Variants in RNF150 observed in about 807,000 individuals in gnomAD.
RNF150 encodes ring finger protein 150.
In RNF150, 24 loss-of-function variants were observed where a neutral mutation model predicts 39.3. That is an observed-to-expected ratio of 0.61 (90% CI 0.44 to 0.86). RNF150 has a LOEUF of 0.86. RNF150 is among the 40% of genes least tolerant of loss of function. The pLI is 0.00. For synonymous variants in RNF150, 255 were observed against 227.3 expected (o/e 1.12, Z -1.10); for missense variants, 502 against 587.8 (o/e 0.85, Z 1.51).
At chr4:140,922,703 T>C (rs1248177108) in intron 5 of RNF150, among the ~76,000 whole-genome samples, 1 of 152,126 alleles carries the variant, frequency 6.6e-6, no homozygotes, top group Non-Finnish European at 1.5e-5. Flanking sequence ...GGCATCATGC[T>C]ACCTGACTTC....
At chr4:141,175,412 C>T (rs1727792323) in intron 1 of RNF150, among the ~76,000 whole-genome samples, 1 of 152,114 alleles carries the variant, frequency 6.6e-6, no homozygotes, top group African/African-American at 2.4e-5. Flanking sequence ...ATTTAAAAGA[C>T]AATTTTAATG....
At chr4:141,031,014 T>C (rs906038950) in intron 1 of RNF150, among the ~76,000 whole-genome samples, 1 of 152,020 alleles carries the variant, frequency 6.6e-6, no homozygotes, top group Non-Finnish European at 1.5e-5. Flanking sequence ...ACAATCCTAT[T>C]GGCAAACAAT....
intron 6 of RNF150, among the ~76,000 whole-genome samples, chr4:140,888,991 T>C (rs570432526): frequency 6.6e-6 from 1 of 152,288 alleles, no homozygotes; most frequent in African/African-American, 2.4e-5. Flanking sequence ...AATGGGATAA[T>C]ATTTACTATG....
At chr4:141,187,918 A>G (rs973337192) in intron 1 of RNF150, among the ~76,000 whole-genome samples, 1 of 152,020 alleles carries the variant, frequency 6.6e-6, no homozygotes, top group Non-Finnish European at 1.5e-5. Flanking sequence ...TTGCATATTA[A>G]TTGATGCAGT....
intron 2 of RNF150, among the ~76,000 whole-genome samples, chr4:140,953,794 C>A (rs1732638509): frequency 6.6e-6 from 1 of 151,990 alleles, no homozygotes; most frequent in Non-Finnish European, 1.5e-5. Context: ...TATTGGATTT[C>A]CAAATGCAAA....
chr4:140,917,087 C>T (rs1578961933), intron 5 of RNF150, among the ~76,000 whole-genome samples: 1 of 152,200 alleles, frequency 6.6e-6, no homozygotes, highest in East Asian at 1.9e-4. Context: ...ACTGCAAAAA[C>T]ATGCCAAATT....
In RNF150 at chr4:140,889,156, T is replaced by TA. The variant is rs1729676156; in HGVS notation, c.1199-20778dup. 2.0e-5 allele frequency among the ~76,000 whole-genome samples: 3 copies of TA among 152,212 alleles called. No individual in the cohort carries two copies. In the South Asian group the frequency reaches 6.2e-4, roughly 32 times the overall value. On this transcript the variant is annotated intron_variant, in intron 6 of 6. Transcript: ENST00000515673. ...CCTCAGCCTCTCGAAGTGCTGGGATTACAGACATGAGCCACTGTGCCTGGC... is the reference window on the plus strand; with the variant it reads ...CCTCAGCCTCTCGAAGTGCTGGGATTAACAGACATGAGCCACTGTGCCTGGC...
intron 1 of RNF150, among the ~76,000 whole-genome samples, chr4:141,045,744 A>G (rs761662351): frequency 4.6e-5 from 7 of 151,886 alleles, no homozygotes; most frequent in Non-Finnish European, 8.8e-5. Flanking sequence ...GGGTTTCACC[A>G]TGTTGGCCAG....
intron 1 of RNF150, among the ~76,000 whole-genome samples, chr4:141,090,563 C>T (rs1684179941): frequency 6.6e-6 from 1 of 152,084 alleles, no homozygotes; most frequent in African/African-American, 2.4e-5. Context: ...GGCTCATGAC[C>T]ACCAACTCAA....
chr4:140,893,170 C>T (rs1226132761), intron 6 of RNF150, among the ~76,000 whole-genome samples: 1 of 152,138 alleles, frequency 6.6e-6, no homozygotes, highest in African/African-American at 2.4e-5. Context: ...ATGTGATTAA[C>T]ACCACTGCCT....
chr4:140,942,505 T>C (rs1365531145), intron 4 of RNF150, among the ~76,000 whole-genome samples: 1 of 152,250 alleles, frequency 6.6e-6, no homozygotes, highest in Non-Finnish European at 1.5e-5. Flanking sequence ...TAAGACCTTA[T>C]TTAAGTCCAG....
intron 1 of RNF150, among the ~76,000 whole-genome samples, chr4:141,103,408 T>C (rs1157616443): frequency 1.3e-5 from 2 of 152,210 alleles, no homozygotes; most frequent in Non-Finnish European, 2.9e-5. Context: ...AAATAGCTTC[T>C]ATTAGCAAAC....
chr4:141,093,129 G>A (rs922206408), intron 1 of RNF150, among the ~76,000 whole-genome samples: 3 of 152,144 alleles, frequency 2.0e-5, no homozygotes, highest in Non-Finnish European at 2.9e-5. Context: ...CACTTTGGGA[G>A]GCCAAGGCGG....
At chr4:141,080,271 C>T (rs1365800395) in intron 1 of RNF150, among the ~76,000 whole-genome samples, 1 of 152,158 alleles carries the variant, frequency 6.6e-6, no homozygotes, top group Non-Finnish European at 1.5e-5. Context: ...TTCATCTATT[C>T]TCCTTTTCCT....
At chr4:141,026,623 C>T (rs994996570) in intron 1 of RNF150, among the ~76,000 whole-genome samples, 2 of 152,120 alleles carry the variant, frequency 1.3e-5, no homozygotes, top group African/African-American at 4.8e-5. Context: ...CTTCTTAGAC[C>T]CTTCAACACA....
intron 1 of RNF150, among the ~76,000 whole-genome samples, chr4:141,007,540 G>A (rs370887816): frequency 1.4e-4 from 22 of 152,014 alleles, no homozygotes; most frequent in African/African-American, 4.1e-4. Flanking sequence ...CAGTAATCTC[G>A]GGCACTTGAA....
At chr4:141,207,608 C>T (rs575759991) in intron 1 of RNF150, among the ~76,000 whole-genome samples, 10 of 150,604 alleles carry the variant, frequency 6.6e-5, no homozygotes, top group African/African-American at 2.5e-4. Context: ...TTCTTCTCCA[C>T]GACATCCAAT....
chr4:141,120,134 T>C (rs1003877273), intron 1 of RNF150, among the ~76,000 whole-genome samples: 2 of 152,222 alleles, frequency 1.3e-5, no homozygotes, highest in Admixed American at 6.5e-5. Flanking sequence ...CAAGCCATCA[T>C]GGAGTTTATA....
intron 1 of RNF150, among the ~76,000 whole-genome samples, chr4:141,087,140 C>T (rs951152501): frequency 1.3e-5 from 2 of 152,056 alleles, no homozygotes; most frequent in African/African-American, 2.4e-5. Context: ...TCCTTCCTCC[C>T]ACCCTCCCCC....
Sources: gnomAD v4.1 joint callset for allele counts (sites outside exome capture counted in the v4.1 genomes callset) on GRCh38, gnomAD v4.1.1 for gene constraint, MANE v1.5 for transcripts, NCBI Gene and HGNC (gene_info 2026-07-23, HGNC 2026-07-21) for gene names.